ZNF385C: variants seen among roughly 807,000 people sequenced by gnomAD.
ZNF385C encodes the protein CTD-2132N18.2.
A neutral mutation model predicts 35.4 loss-of-function variants in ZNF385C; 28 were observed. That is an observed-to-expected ratio of 0.79 (90% CI 0.59 to 1.08). The LOEUF (loss-of-function observed/expected upper bound fraction) is 1.08, where lower values mean the gene tolerates loss of function less well. Among genes scored for constraint, ZNF385C ranks in the 50% least tolerant of loss-of-function variants. The probability of loss-of-function intolerance (pLI) is 0.00; values close to 1 mark genes in which losing one functional copy is unlikely to be tolerated. For missense variants in ZNF385C, 605 were observed against 595.6 expected (o/e 1.02, Z -0.16); for synonymous variants, 248 against 248.2 (o/e 1.00, Z 0.01).
intron 2 of ZNF385C, chr17:42,040,461 G>A: frequency 8.1e-7 from 1 of 1,232,206 alleles, no homozygotes; most frequent in East Asian, 3.2e-5. Context: ...GCAAGGCCAA[G>A]TCCGGCTCTT....
chr17:42,033,842 C>T (rs1598180256), intron 4 of ZNF385C, among the ~76,000 whole-genome samples: 1 of 152,284 alleles, frequency 6.6e-6, no homozygotes, highest in East Asian at 1.9e-4. Flanking sequence ...GGCATGATCA[C>T]ATTCTGTAAA....
rs148041383 is a variant in ZNF385C at position 42,065,117 on chromosome 17, G to A, written c.-2-2059C>T. 999 of 152,294 alleles carry A rather than the reference G, an allele frequency of 6.6e-3. 9 individuals carry two copies. Among genetic ancestry groups the A allele is most frequent in the Middle Eastern group, 0.031 (9 of 294 alleles). The allele number at this position is 152,294 out of a possible 1,614,324, so 9.4% of individuals were successfully genotyped here. A position where few individuals can be genotyped will look rare whatever the true frequency, so the allele number is the denominator to read the frequency against. On this transcript the variant is annotated intron_variant, in intron 1 of 8. Transcript: ENST00000692273. ...TCTGCTCACCTCAGCCTCCCAAAGCGCTGGGATTTCAGGTGTGAGCCACCG... is the reference window on the plus strand; with the variant it reads ...TCTGCTCACCTCAGCCTCCCAAAGCACTGGGATTTCAGGTGTGAGCCACCG...
chr17:42,054,135 G>T, intron 2 of ZNF385C, among the ~76,000 whole-genome samples: 1 of 152,216 alleles, frequency 6.6e-6, no homozygotes, highest in Non-Finnish European at 1.5e-5. Context: ...ACCAAGAACT[G>T]GGGGAGGATA....
At chr17:42,090,122 C>G (rs1237594774) in intron 1 of ZNF385C, among the ~76,000 whole-genome samples, 1 of 152,096 alleles carries the variant, frequency 6.6e-6, no homozygotes, top group African/African-American at 2.4e-5. Context: ...TGGGAGCTTT[C>G]TCAAAGCCTG....
intron 1 of ZNF385C, among the ~76,000 whole-genome samples, chr17:42,087,917 T>C (rs1046849261): frequency 2.4e-4 from 36 of 152,330 alleles, no homozygotes; most frequent in African/African-American, 8.4e-4. Flanking sequence ...TACCTATATA[T>C]AAACTATAAG....
At position 42,039,976 on chromosome 17, in the gene ZNF385C, G is replaced by C. The variant is rs2052971680; in HGVS notation, c.251-2091C>G. On this transcript the variant is annotated intron_variant, in intron 2 of 8. Transcript: ENST00000692273. ...GAAGAGCTCGTGCAGCTCCGAGTGC[G>C]CGCACGCCAGCTGGGTGCACAGGGC... 4 of 1,231,052 alleles carry C rather than the reference G, an allele frequency of 3.2e-6. No individual in the cohort carries two copies. The African/African-American group carries it at 4.7e-5, about 14-fold the overall frequency. 76.3% of individuals were successfully genotyped at this position (1,231,052 alleles called of 1,614,324 possible).
intron 2 of ZNF385C, among the ~76,000 whole-genome samples, chr17:42,057,597 C>A (rs1388027120): frequency 6.6e-6 from 1 of 151,638 alleles, no homozygotes; most frequent in Non-Finnish European, 1.5e-5. Flanking sequence ...CTGTGCCACA[C>A]CCCCATTGGG....
At chr17:42,037,174 T>C (rs1293613667) in intron 3 of ZNF385C, among the ~76,000 whole-genome samples, 1 of 151,844 alleles carries the variant, frequency 6.6e-6, no homozygotes, top group Admixed American at 6.6e-5. Context: ...AAAACACGCA[T>C]GCTCAGAGGG....
intron 2 of ZNF385C, among the ~76,000 whole-genome samples, chr17:42,046,320 T>C (rs2053160131): frequency 6.6e-6 from 1 of 152,178 alleles, no homozygotes; most frequent in South Asian, 2.1e-4. Context: ...GGGCCAGGCA[T>C]GGTGGCTCAC....
At chr17:42,057,990 G>A (rs575348388) in intron 2 of ZNF385C, among the ~76,000 whole-genome samples, 1 of 152,070 alleles carries the variant, frequency 6.6e-6, no homozygotes, top group East Asian at 1.9e-4. Flanking sequence ...GGAGACAGAT[G>A]GGGGGTGGGC....
chr17:42,055,715 A>G (rs942801661), intron 2 of ZNF385C, among the ~76,000 whole-genome samples: 5 of 152,180 alleles, frequency 3.3e-5, no homozygotes, highest in Middle Eastern at 3.4e-3. Flanking sequence ...AAATTAATCC[A>G]TCTGCAGGGA....
At chr17:42,083,302 A>G (rs2053768762) in intron 1 of ZNF385C, among the ~76,000 whole-genome samples, 1 of 150,508 alleles carries the variant, frequency 6.6e-6, no homozygotes, top group South Asian at 2.1e-4. Flanking sequence ...CCCCGGGTTC[A>G]TGCCATTCTC....
intron 2 of ZNF385C, among the ~76,000 whole-genome samples, chr17:42,060,961 C>T (rs1433032022): frequency 1.3e-5 from 2 of 151,940 alleles, no homozygotes; most frequent in Admixed American, 6.6e-5. Flanking sequence ...GCAATCTGCC[C>T]GCTTTGGGGT....
chr17:42,047,541 C>G (rs2053191922), intron 2 of ZNF385C, among the ~76,000 whole-genome samples: 1 of 152,096 alleles, frequency 6.6e-6, no homozygotes, highest in Non-Finnish European at 1.5e-5. Flanking sequence ...CTGTGTGGAA[C>G]CAGCACATAG....
At chr17:42,057,404 G>T (rs2053393187) in intron 2 of ZNF385C, among the ~76,000 whole-genome samples, 1 of 152,068 alleles carries the variant, frequency 6.6e-6, no homozygotes, top group African/African-American at 2.4e-5. Context: ...CCCTGTGCTG[G>T]CTCAACATCT....
At chr17:42,064,542 G>A (rs754592448) in intron 1 of ZNF385C, among the ~76,000 whole-genome samples, 71 of 152,214 alleles carry the variant, frequency 4.7e-4, no homozygotes, top group Non-Finnish European at 9.0e-4. Flanking sequence ...ATACCGGTGG[G>A]CCCTAATTCA....
chr17:42,029,097 G>A (rs2052669081), intron 5 of ZNF385C, 24 bp from the exon 6 acceptor site: 1 of 1,540,228 alleles, frequency 6.5e-7, no homozygotes, highest in African/African-American at 1.4e-5. Flanking sequence ...GGAAGAGTGT[G>A]AGACCCAAGA....
chr17:42,033,859 G>A (rs551871153), intron 4 of ZNF385C, among the ~76,000 whole-genome samples: 1 of 152,272 alleles, frequency 6.6e-6, no homozygotes, highest in Admixed American at 6.5e-5. Context: ...TAAACTCTCA[G>A]GTGCCTTAAG....
At chr17:42,049,708 C>T (rs1446221956) in intron 2 of ZNF385C, among the ~76,000 whole-genome samples, 1 of 152,236 alleles carries the variant, frequency 6.6e-6, no homozygotes, top group Non-Finnish European at 1.5e-5. Context: ...CCATGTACAT[C>T]GAAGCTGCCT....
Sources: gnomAD v4.1 joint callset for allele counts (sites outside exome capture counted in the v4.1 genomes callset) on GRCh38, gnomAD v4.1.1 for gene constraint, MANE v1.5 for transcripts, NCBI Gene and HGNC (gene_info 2026-07-23, HGNC 2026-07-21) for gene names.